Variants in NTHL1 observed in about 807,000 individuals in gnomAD.
NTHL1 encodes the protein endonuclease III-like protein 1.
Under a neutral mutation model 32.3 loss-of-function variants are expected in NTHL1, and 32 were observed. The observed-to-expected ratio is 0.99, with a 90% CI of 0.75 to 1.33. NTHL1 has a LOEUF of 1.33. Among genes scored for constraint, NTHL1 ranks in the 40% most tolerant of loss-of-function variants. The pLI is 0.00. For missense variants in NTHL1, 501 were observed against 414.1 expected, an observed-to-expected ratio of 1.21 and a Z score of -1.82; for synonymous variants, 188 against 176.9, an observed-to-expected ratio of 1.06 and a Z score of -0.50.
chr16:2,046,631 G>C (rs1226751773), intron 1 of NTHL1, among the ~76,000 whole-genome samples: 1 of 152,142 alleles, frequency 6.6e-6, no homozygotes, highest in Non-Finnish European at 1.5e-5. Context: ...TACTGCACCA[G>C]AGACAGTCTG....
At position 2,043,324 on chromosome 16, in the gene NTHL1, G is replaced by A. The variant is rs192143412; in HGVS notation, c.685+243C>T. ...CATTTCTCCCGAATACAACGCAGATGGAGTCCAGCTCCGGGGCCTCTCTCA... is the reference window on the plus strand; with the variant it reads ...CATTTCTCCCGAATACAACGCAGATAGAGTCCAGCTCCGGGGCCTCTCTCA... On this transcript the variant is annotated intron_variant, in intron 4 of 5. Coordinates refer to ENST00000651570, the MANE Select transcript of NTHL1 (RefSeq NM_002528.7). This position sits in a 1 kb window ranked among gnomAD's most constrained non-coding sequence, Gnocchi z 4.4. 3.3e-5 allele frequency among the ~76,000 whole-genome samples: 5 copies of A among 152,218 alleles called. No homozygotes were observed. Among genetic ancestry groups the A allele is most frequent in the African/African-American group, 1.2e-4 (5 of 41,550 alleles).
In NTHL1 at chr16:2,044,257, T is replaced by C. The variant is rs993499088; in HGVS notation, c.525+373A>G. Among the ~76,000 whole-genome samples, 1 of 151,760 alleles carries C rather than the reference T, an allele frequency of 6.6e-6. No individual in the cohort carries two copies. The highest frequency in any genetic ancestry group is 1.5e-5 in the Non-Finnish European group (1 of 67,934). On this transcript the variant is annotated intron_variant, in intron 3 of 5. Transcript: ENST00000651570. The surrounding 1 kb of genome is among the most constrained non-coding windows in gnomAD (Gnocchi z 5.0). The stretch of plus-strand genomic sequence containing the variant: ...CACCACCATCCAGTGCTCGGCGGGG[T>C]TGGGGAGCAGCCTCCCCAGGGCTCC...
chr16:2,043,391 G>T lies in NTHL1; in HGVS notation c.685+176C>A. ...AGGTGCTCAGCCCATGTGACCTCCT[G>T]CCCCAGCACCTGTCTCTGAGTGGGG... On this transcript the variant is annotated intron_variant, in intron 4 of 5. Transcript: ENST00000651570. The surrounding 1 kb of genome is among the most constrained non-coding windows in gnomAD (Gnocchi z 4.4). 1.2e-6 allele frequency: 1 copy of T among 824,952 alleles called. No individual in the cohort carries two copies. The highest frequency in any genetic ancestry group is 1.9e-6 in the Non-Finnish European group (1 of 526,646). 51.1% of individuals were successfully genotyped at this position (824,952 alleles called of 1,614,324 possible).
At chr16:2,046,060 C>T (rs980946665) in intron 2 of NTHL1, 68 bp downstream of exon 2, 12 of 1,393,108 alleles carry the variant, frequency 8.6e-6, no homozygotes, top group South Asian at 2.3e-5. Context: ...CAAAAGCCAC[C>T]GGGTAGAAAG....
intron 4 of NTHL1, among the ~76,000 whole-genome samples, chr16:2,041,356 A>G (rs1417786514): frequency 6.6e-6 from 1 of 151,992 alleles, no homozygotes; most frequent in Non-Finnish European, 1.5e-5. Flanking sequence ...TTGTGGCCAG[A>G]GCTTAGAGAA....
At chr16:2,047,590 C>T in intron 1 of NTHL1, 119 bp downstream of exon 1, 1 of 1,415,456 alleles carries the variant, frequency 7.1e-7, no homozygotes, top group Non-Finnish European at 9.3e-7. Context: ...GAACCGTTCG[C>T]GGCTGCCGGG....
intron 4 of NTHL1, among the ~76,000 whole-genome samples, chr16:2,041,098 C>T (rs770195071): frequency 1.3e-5 from 2 of 152,254 alleles, no homozygotes; most frequent in East Asian, 3.8e-4. Flanking sequence ...GCCCTGCCTC[C>T]TCCTCCCGTG....
In NTHL1 at chr16:2,043,504, A is replaced by G; in HGVS notation, c.685+63T>C. 1.3e-6 allele frequency: 2 copies of G among 1,591,866 alleles called. No homozygotes were observed. Among genetic ancestry groups the G allele is most frequent in the South Asian group, 1.1e-5 (1 of 90,720 alleles). Reference sequence around the variant, plus strand: ...GCTGGAAGTGGAGTCACAGGTCACAAGGATGTGGGGAATCCCAAGAGCAGC... The same window carrying G: ...GCTGGAAGTGGAGTCACAGGTCACAGGGATGTGGGGAATCCCAAGAGCAGC... On this transcript the variant is annotated intron_variant, in intron 4 of 5. Transcript: ENST00000651570. This position sits in a 1 kb window ranked among gnomAD's most constrained non-coding sequence, Gnocchi z 4.4.
intron 4 of NTHL1, among the ~76,000 whole-genome samples, chr16:2,040,653 CAG>C (rs986817331): frequency 5.3e-5 from 8 of 152,168 alleles, no homozygotes; most frequent in African/African-American, 1.4e-4. Flanking sequence ...CAGACCCTGC[CAG>C]AGAGATTGGC....
rs915983244 is a variant in NTHL1, at chr16:2,043,859, C to T, written c.526-133G>A. The T allele has an allele frequency of 1.1e-4, 119 of 1,084,512 alleles. No individual in the cohort carries two copies. The highest frequency in any genetic ancestry group is 1.5e-4 in the Non-Finnish European group (109 of 742,074). 67.2% of individuals were successfully genotyped at this position (1,084,512 alleles called of 1,614,324 possible). A position where few individuals can be genotyped will look rare whatever the true frequency, so the allele number is the denominator to read the frequency against. Reference sequence around the variant, plus strand: ...AGGACGTGTGCAAGCTCAGCCCCCGCCCCCCAGGAGGCGGGAACAAGCGGA... The same window carrying T: ...AGGACGTGTGCAAGCTCAGCCCCCGTCCCCCAGGAGGCGGGAACAAGCGGA... On this transcript the variant is annotated intron_variant, in intron 3 of 5. Coordinates refer to ENST00000651570, the MANE Select transcript of NTHL1 (RefSeq NM_002528.7). The surrounding 1 kb of genome is among the most constrained non-coding windows in gnomAD (Gnocchi z 4.4).
At chr16:2,041,471 G>T (rs1349285343) in intron 4 of NTHL1, among the ~76,000 whole-genome samples, 1 of 150,770 alleles carries the variant, frequency 6.6e-6, no homozygotes, top group East Asian at 1.9e-4. Flanking sequence ...ACGGAGTCTT[G>T]CTCTGTCACC....
Position 2,047,737 on chromosome 16 carries a change from C to G in NTHL1, c.87G>C (p.Gly29=), listed in dbSNP as rs775360403. The G allele has an allele frequency of 1.9e-6, 3 of 1,585,100 alleles. No individual in the cohort carries two copies. The highest frequency in any genetic ancestry group is 2.6e-6 in the Non-Finnish European group (3 of 1,171,956). Residue 29 remains glycine (G), a synonymous_variant, in exon 1 of 6, where the codon GGG becomes GGC. Coordinates refer to ENST00000651570, the MANE Select transcript of NTHL1 (RefSeq NM_002528.7). ...AGPRGCREEP[G]PLRRREAAAE... Reference sequence around the variant, plus strand: ...CTGCAGCCTCTCTTCTCCGGAGAGGCCCGGGCTCCTCCCTACACCCCCGCG... The same window carrying G: ...CTGCAGCCTCTCTTCTCCGGAGAGGGCCGGGCTCCTCCCTACACCCCCGCG...
Position 2,043,840 on chromosome 16 carries a change from T to C in NTHL1, c.526-114A>G. 1 of 1,276,252 alleles carries C rather than the reference T, an allele frequency of 7.8e-7. No individual in the cohort carries two copies. Among genetic ancestry groups the C allele is most frequent in the East Asian group, 2.4e-5 (1 of 41,650 alleles). 79.1% of individuals were successfully genotyped at this position (1,276,252 alleles called of 1,614,324 possible). On this transcript the variant is annotated intron_variant, in intron 3 of 5. Transcript: ENST00000651570. This position sits in a 1 kb window ranked among gnomAD's most constrained non-coding sequence, Gnocchi z 4.4. The stretch of plus-strand genomic sequence containing the variant: ...GAGCTACCTGCACCTGCTGAGGACG[T>C]GTGCAAGCTCAGCCCCCGCCCCCCA...
intron 1 of NTHL1, chr16:2,047,424 C>A: frequency 2.0e-6 from 1 of 508,426 alleles, no homozygotes; most frequent in Non-Finnish European, 3.4e-6. Flanking sequence ...ACCCACAGAG[C>A]CTGGAGTGGA....
chr16:2,040,085 C>T (rs199536450), intron 5 of NTHL1, 38 bp from the exon 6 acceptor site: 29 of 1,612,256 alleles, frequency 1.8e-5, no homozygotes, highest in East Asian at 1.3e-4. Flanking sequence ...TGACAGAGGG[C>T]GGGCGGGGTG....
intron 4 of NTHL1, chr16:2,042,112 G>A (rs1324719480): frequency 2.2e-6 from 1 of 455,704 alleles, no homozygotes; most frequent in Non-Finnish European, 4.4e-6. Context: ...AGGCAGCCCT[G>A]GGGTCTCCTT....
In NTHL1 at chr16:2,043,648, C is replaced by G. The variant is rs919177150; in HGVS notation, c.604G>C (p.Glu202Gln). Residue 202 changes from glutamate to glutamine, a missense_variant, in exon 4 of 6, where the codon GAG (glutamate) becomes CAG (glutamine). Transcript: ENST00000651570. This position sits in a 1 kb window ranked among gnomAD's most constrained non-coding sequence, Gnocchi z 4.4. ...YGGDIPASVA[E>Q]LVALPGVGPK... ...CCAACACCCGGCAGCGCCACCAGCT[C>G]GGCCACAGAGGCTGGGATGTCCCCA... 4.3e-6 allele frequency: 7 copies of G among 1,611,732 alleles called. No homozygotes were observed. Among genetic ancestry groups the G allele is most frequent in the Non-Finnish European group, 5.9e-6 (7 of 1,179,978 alleles).
chr16:2,040,010 A>T lies in NTHL1; in HGVS notation c.829T>A (p.Phe277Ile), dbSNP rs1343159035. The T allele has an allele frequency of 6.2e-7, 1 of 1,611,704 alleles. No individual in the cohort carries two copies. ...ACAGGCAGACAGGTCTGCTGGCCGA[A>T]GCCCACCAAGAGTCCATTGATCTCG... ...WHEINGLLVG[F>I]GQQTCLPVHP... is the part of the protein sequence containing the mutation. The change falls in exon 6 of 6, where the codon TTC (phenylalanine) becomes ATC (isoleucine). Residue 277 changes from phenylalanine to isoleucine, a missense_variant. Coordinates refer to ENST00000651570, the MANE Select transcript of NTHL1 (RefSeq NM_002528.7).
Position 2,043,441 on chromosome 16 carries a change from A to T in NTHL1, c.685+126T>A. 7.3e-7 allele frequency: 1 copy of T among 1,366,356 alleles called. No individual in the cohort carries two copies. Among genetic ancestry groups the T allele is most frequent in the Non-Finnish European group, 1.0e-6 (1 of 998,148 alleles). The allele number at this position is 1,366,356 out of a possible 1,614,324, so 84.6% of individuals were successfully genotyped here. On this transcript the variant is annotated intron_variant, in intron 4 of 5. Transcript: ENST00000651570. The surrounding 1 kb of genome is among the most constrained non-coding windows in gnomAD (Gnocchi z 4.4). ...GCTGGCCTGGCTCCACCCTGGGAGC[A>T]CCTTTCTGACTCTATGGGCTGGGTG...
Sources: allele counts gnomAD v4.1 joint callset (sites outside exome capture counted in the v4.1 genomes callset), GRCh38; gene constraint gnomAD v4.1.1; non-coding constraint Gnocchi (gnomAD v3.1); transcripts MANE v1.5; gene names NCBI Gene and HGNC (gene_info 2026-07-23, HGNC 2026-07-21).